SNX29: variants seen among roughly 807,000 people sequenced by gnomAD.
The protein encoded by SNX29 is sorting nexin 29.
Under a neutral mutation model 102.1 loss-of-function variants are expected in SNX29, and 78 were observed. The observed-to-expected ratio is 0.76, with a 90% CI of 0.64 to 0.92. The LOEUF is 0.92. Among genes scored for constraint, SNX29 ranks in the 40% least tolerant of loss-of-function variants. The pLI, the probability that SNX29 is intolerant of heterozygous loss-of-function variation, is 0.00. For synonymous variants in SNX29, 580 were observed against 414.5 expected (o/e 1.40, Z -4.85); for missense variants, 1,280 against 1,061.7 (o/e 1.21, Z -2.86).
intron 2 of SNX29, among the ~76,000 whole-genome samples, chr16:12,002,747 CACAAGGCTTGCTTCTGT>C (rs2056331327): frequency 6.6e-6 from 1 of 152,180 alleles, no homozygotes; most frequent in African/African-American, 2.4e-5. Context: ...AATGTTTTCC[CACAAGGCTTGCTTCTGT>C]ACAAGTGGGA....
chr16:12,570,834 A>C lies in SNX29; in HGVS notation c.*2205A>C, dbSNP rs781504784. The stretch of plus-strand genomic sequence containing the variant: ...ACCCGTGAGAAACAAGTATGCTCTC[A>C]GCTGGTATTGAACTGGTGGGAGAAA... On this transcript the variant is annotated 3_prime_UTR_variant, in exon 21 of 21. Coordinates refer to ENST00000566228, the MANE Select transcript of SNX29 (RefSeq NM_032167.5). 3 of 232,238 alleles carry C rather than the reference A, an allele frequency of 1.3e-5. No individual in the cohort carries two copies. The highest frequency in any genetic ancestry group is 2.6e-5 in the Non-Finnish European group (3 of 117,490). The allele number at this position is 232,238 out of a possible 1,614,324, so 14.4% of individuals were successfully genotyped here.
intron 13 of SNX29, among the ~76,000 whole-genome samples, chr16:12,193,970 T>C (rs2076708155): frequency 1.3e-5 from 2 of 152,354 alleles, no homozygotes; most frequent in South Asian, 4.1e-4. Context: ...TTGGCTATTT[T>C]AGTTTCTTTG....
At chr16:12,342,037 C>T (rs2081624284) in intron 15 of SNX29, among the ~76,000 whole-genome samples, 1 of 152,204 alleles carries the variant, frequency 6.6e-6, no homozygotes, top group Non-Finnish European at 1.5e-5. Context: ...TTTTACCTCT[C>T]CCAGATTCTG....
chr16:12,037,922 T>C (rs2057521261), intron 4 of SNX29, among the ~76,000 whole-genome samples: 1 of 152,068 alleles, frequency 6.6e-6, no homozygotes, highest in South Asian at 2.1e-4. Context: ...GCCACTGTGC[T>C]CTAGCCTGGG....
At chr16:12,274,993 G>A (rs1754431914) in intron 14 of SNX29, among the ~76,000 whole-genome samples, 1 of 152,046 alleles carries the variant, frequency 6.6e-6, no homozygotes, top group South Asian at 2.1e-4. Context: ...TCCCTAAATA[G>A]TCTCTCTTTC....
In SNX29 at chr16:12,415,451, A is replaced by T. The variant is rs186044956; in HGVS notation, c.2037+11922A>T. Among the ~76,000 whole-genome samples the T allele has an allele frequency of 3.9e-5, 6 of 152,388 alleles. No individual in the cohort carries two copies. In the East Asian group the frequency reaches 1.2e-3, roughly 29 times the overall value. On this transcript the variant is annotated intron_variant, in intron 18 of 20. Coordinates refer to ENST00000566228, the MANE Select transcript of SNX29 (RefSeq NM_032167.5). ...GAGGCCTTGTAATTACACAGCAAGGACAGGTTGTCCATTTGCCCTCACCTA... is the reference window on the plus strand; with the variant it reads ...GAGGCCTTGTAATTACACAGCAAGGTCAGGTTGTCCATTTGCCCTCACCTA...
At position 12,060,845 on chromosome 16, in the gene SNX29, G is replaced by C. The variant is rs940296752; in HGVS notation, c.1125-683G>C. Reference sequence around the variant, plus strand: ...TTAGAGATTTGTACTTTGTGGGTAAGGTGACAGTATAACAGATCATATGAG... The same window carrying C: ...TTAGAGATTTGTACTTTGTGGGTAACGTGACAGTATAACAGATCATATGAG... On this transcript the variant is annotated intron_variant, in intron 8 of 20. Coordinates refer to ENST00000566228, the MANE Select transcript of SNX29 (RefSeq NM_032167.5). The C allele has an allele frequency of 1.8e-5, 8 of 456,330 alleles. No homozygotes were observed. The Middle Eastern group carries it at 9.8e-4, about 56-fold the overall frequency. The allele number at this position is 456,330 out of a possible 1,614,324, so 28.3% of individuals were successfully genotyped here.
rs1597405981 is a variant in SNX29, at chr16:12,446,625, G to T, written c.2038-31094G>T. On this transcript the variant is annotated intron_variant, in intron 18 of 20. Coordinates refer to ENST00000566228, the MANE Select transcript of SNX29 (RefSeq NM_032167.5). ...GTTTTAGTTGGAAAGAGTTGGCCCT[G>T]TGGAGGGGATTCCTTGCAGAGTTTC... Among the ~76,000 whole-genome samples, 3 of 152,186 alleles carry T rather than the reference G, an allele frequency of 2.0e-5. No individual in the cohort carries two copies. The South Asian group carries it at 6.2e-4, about 32-fold the overall frequency.
chr16:12,135,867 A>T (rs1451886347), intron 13 of SNX29: 1 of 329,462 alleles, frequency 3.0e-6, no homozygotes, highest in Non-Finnish European at 5.8e-6. Context: ...CTCAACAATC[A>T]ACCTGCCAGG....
chr16:11,982,423 G>GTTTTTTTT (rs60761477), intron 1 of SNX29, among the ~76,000 whole-genome samples: 5 of 120,372 alleles, frequency 4.2e-5, no homozygotes, highest in Non-Finnish European at 1.7e-5. Flanking sequence ...CTTTCCATCA[G>GTTTTTTTT]TTTTTTTTTT....
intron 13 of SNX29, among the ~76,000 whole-genome samples, chr16:12,159,861 CT>C (rs755619413): frequency 3.3e-5 from 5 of 152,192 alleles, no homozygotes; most frequent in Non-Finnish European, 1.5e-5. Flanking sequence ...TTATCCCGTG[CT>C]TTTGCAGACA....
intron 11 of SNX29, among the ~76,000 whole-genome samples, chr16:12,097,013 C>T (rs551593037): frequency 5.4e-4 from 82 of 152,254 alleles, no homozygotes; most frequent in African/African-American, 1.8e-3. Context: ...GGGAACCTCC[C>T]TGCAGTGTGC....
intron 20 of SNX29, among the ~76,000 whole-genome samples, chr16:12,566,620 G>A (rs998279354): frequency 1.3e-5 from 2 of 152,198 alleles, no homozygotes; most frequent in Admixed American, 1.3e-4. Context: ...CCCCTACACT[G>A]CAAGCAAAGA....
rs560319108 is a variant in SNX29, at chr16:12,393,125, G to A, written c.1900-5321G>A. On this transcript the variant is annotated intron_variant, in intron 16 of 20. Coordinates refer to ENST00000566228, the MANE Select transcript of SNX29 (RefSeq NM_032167.5). Reference sequence around the variant, plus strand: ...TAGGGATGAGTGAGAAAGTGACTCTGGAAAACAAATTATGGCTGCCATTTC... The same window carrying A: ...TAGGGATGAGTGAGAAAGTGACTCTAGAAAACAAATTATGGCTGCCATTTC... 7.9e-5 allele frequency among the ~76,000 whole-genome samples: 12 copies of A among 152,298 alleles called. No individual in the cohort carries two copies. In the South Asian group the frequency reaches 1.2e-3, roughly 16 times the overall value.
intron 18 of SNX29, among the ~76,000 whole-genome samples, chr16:12,466,138 C>T (rs1421651910): frequency 4.6e-5 from 7 of 152,150 alleles, no homozygotes; most frequent in Admixed American, 4.6e-4. Flanking sequence ...CTGGAAGTCC[C>T]ATTCAGAGCA....
intron 15 of SNX29, among the ~76,000 whole-genome samples, chr16:12,311,076 G>A (rs1165519930): frequency 3.3e-5 from 5 of 152,166 alleles, no homozygotes; most frequent in African/African-American, 4.8e-5. Context: ...CTTGTAAAAA[G>A]AAAGTTATAA....
intron 14 of SNX29, among the ~76,000 whole-genome samples, chr16:12,247,715 C>T (rs1232468064): frequency 6.6e-6 from 1 of 152,212 alleles, no homozygotes; most frequent in Non-Finnish European, 1.5e-5. Context: ...TCCCACTTCC[C>T]AGCGGCCTCC....
At chr16:12,052,779 C>G (rs1226282228) in intron 8 of SNX29, 1 of 161,042 alleles carries the variant, frequency 6.2e-6, no homozygotes, top group African/African-American at 2.4e-5. Flanking sequence ...ATACATCTGT[C>G]ATTTTCATTT....
intron 14 of SNX29, among the ~76,000 whole-genome samples, chr16:12,222,826 C>A (rs562093577): frequency 9.3e-4 from 141 of 152,314 alleles, no homozygotes; most frequent in African/African-American, 3.3e-3. Flanking sequence ...ACCTCAGACT[C>A]CCAAAGTGCT....
Sources: allele counts gnomAD v4.1 joint callset (sites outside exome capture counted in the v4.1 genomes callset), GRCh38; gene constraint gnomAD v4.1.1; transcripts MANE v1.5; gene names NCBI Gene and HGNC (gene_info 2026-07-23, HGNC 2026-07-21).